Variants in PPFIBP1 observed in about 807,000 individuals in gnomAD.
The protein encoded by PPFIBP1 is liprin-beta-1.
In PPFIBP1, 112 loss-of-function variants were observed where a neutral mutation model predicts 137.8. That is an observed-to-expected ratio of 0.81 (90% CI 0.70 to 0.95). The LOEUF (loss-of-function observed/expected upper bound fraction) is 0.95. PPFIBP1 is among the 40% of genes least tolerant of loss of function. PPFIBP1 has a pLI of 0.00. For synonymous variants in PPFIBP1, 378 were observed against 417.3 expected (o/e 0.91, Z 1.15); for missense variants, 1,083 against 1,196.6 (o/e 0.91, Z 1.40).
intron 2 of PPFIBP1, among the ~76,000 whole-genome samples, chr12:27,609,641 G>A (rs2054878429): frequency 6.6e-6 from 1 of 151,984 alleles, no homozygotes; most frequent in South Asian, 2.1e-4. Flanking sequence ...CCCTTCAATG[G>A]CATCCCACTG....
chr12:27,661,551 C>T (rs1242599226), intron 11 of PPFIBP1, among the ~76,000 whole-genome samples: 2 of 152,158 alleles, frequency 1.3e-5, no homozygotes, highest in Non-Finnish European at 1.5e-5. Context: ...AGTTACTGCA[C>T]GAAAGTAATG....
At chr12:27,689,913 C>A (rs1463298506) in intron 27 of PPFIBP1, among the ~76,000 whole-genome samples, 2 of 152,168 alleles carry the variant, frequency 1.3e-5, no homozygotes, top group African/African-American at 4.8e-5. Context: ...ATGCAGCTAG[C>A]TACATTCTGG....
rs529003165 is a variant in PPFIBP1, at chr12:27,540,183, A to G, written c.-124+15818A>G. Among the ~76,000 whole-genome samples, 10 of 150,722 alleles carry G rather than the reference A, an allele frequency of 6.6e-5. No homozygotes were observed. The South Asian group carries it at 1.7e-3, about 25-fold the overall frequency. On this transcript the variant is annotated intron_variant, in intron 1 of 29. Coordinates refer to ENST00000228425, the MANE Select transcript of PPFIBP1 (RefSeq NM_003622.4). ...AGTGATCCTCCTGCCTCAGCCTCCCATGTAGTAGGATTATAGGCATGTGCC... is the reference window on the plus strand; with the variant it reads ...AGTGATCCTCCTGCCTCAGCCTCCCGTGTAGTAGGATTATAGGCATGTGCC...
intron 3 of PPFIBP1, among the ~76,000 whole-genome samples, chr12:27,633,817 C>CACCAATG (rs113682504): frequency 0.31 from 45,667 of 147,076 alleles, 7,798 homozygotes; most frequent in Middle Eastern, 0.39. Flanking sequence ...ATTCACTTTC[C>CACCAATG]ACCAATGACT....
In PPFIBP1 at chr12:27,667,192, C is replaced by T; in HGVS notation, c.1018C>T (p.Leu340Phe). The T allele has an allele frequency of 1.2e-6, 2 of 1,608,564 alleles. No individual in the cohort carries two copies. The highest frequency in any genetic ancestry group is 2.2e-5 in the East Asian group (1 of 44,776). ...KGKDGEYEEL[L>F]NSSSISSLLD... ...CAAAGATGGAGAATATGAAGAGCTG[C>T]TCAATTCCAGTTCCATCTCCTCTTT... Residue 340 changes from leucine to phenylalanine, a missense_variant, in exon 13 of 30, where the codon CTC (leucine) becomes TTC (phenylalanine). Transcript: ENST00000228425.
At chr12:27,656,516 A>G in intron 8 of PPFIBP1, 100 bp from the exon 9 acceptor site, 4 of 753,750 alleles carry the variant, frequency 5.3e-6, no homozygotes, top group South Asian at 4.7e-5. Flanking sequence ...GATTTGTTTC[A>G]TTCATAAAAC....
At chr12:27,625,580 GT>G (rs35985658) in intron 2 of PPFIBP1, among the ~76,000 whole-genome samples, 234 of 136,180 alleles carry the variant, frequency 1.7e-3, no homozygotes, top group Admixed American at 2.1e-3. Context: ...GTTTTTTACA[GT>G]TTTTTTTTTT....
At chr12:27,591,032 T>G (rs760183606) in intron 2 of PPFIBP1, among the ~76,000 whole-genome samples, 8 of 152,146 alleles carry the variant, frequency 5.3e-5, no homozygotes, top group Non-Finnish European at 1.0e-4. Flanking sequence ...CTCATAGTCT[T>G]TATAGTCATA....
intron 10 of PPFIBP1, among the ~76,000 whole-genome samples, chr12:27,660,103 G>C (rs1300635072): frequency 6.6e-6 from 1 of 151,832 alleles, no homozygotes; most frequent in African/African-American, 2.4e-5. Context: ...TGTTGCCCAG[G>C]CTGGTCTCAA....
intron 13 of PPFIBP1, 72 bp downstream of exon 13, chr12:27,667,392 T>C: frequency 1.6e-6 from 2 of 1,275,302 alleles, no homozygotes; most frequent in Non-Finnish European, 2.1e-6. Context: ...ACACTGCTCA[T>C]AACATGAAAA....
chr12:27,664,446 GGTAGAGT>G lies in PPFIBP1; in HGVS notation c.991+5_991+11del. The G allele has an allele frequency of 6.2e-7, 1 of 1,604,940 alleles. No homozygotes were observed. The highest frequency in any genetic ancestry group is 1.1e-5 in the South Asian group (1 of 90,404). Reference sequence around the variant, plus strand: ...GGTGGTACTGGCCCAAGGTAAAAAAGGTAGAGTGTAGCTCTAAAAGTTTTTCTACTTT... The same window carrying G: ...GGTGGTACTGGCCCAAGGTAAAAAAGGTAGCTCTAAAAGTTTTTCTACTTT... On this transcript the variant is annotated splice_donor_variant and splice_donor_5th_base_variant and intron_variant, in intron 12 of 29. Transcript: ENST00000228425. LOFTEE classifies it high-confidence loss of function.
intron 1 of PPFIBP1, among the ~76,000 whole-genome samples, chr12:27,529,214 A>T (rs909033727): frequency 6.6e-5 from 10 of 152,132 alleles, no homozygotes; most frequent in African/African-American, 2.4e-4. Flanking sequence ...CACCCTCTGG[A>T]CTCCACAATA....
chr12:27,623,476 GGA>G (rs2056527960), intron 2 of PPFIBP1, among the ~76,000 whole-genome samples: 2 of 152,116 alleles, frequency 1.3e-5, no homozygotes, highest in Admixed American at 1.3e-4. Context: ...AAGGGGGAAA[GGA>G]TTGCTTGAGC....
intron 1 of PPFIBP1, among the ~76,000 whole-genome samples, chr12:27,572,931 G>C (rs1434560653): frequency 2.0e-5 from 3 of 152,058 alleles, no homozygotes; most frequent in Non-Finnish European, 2.9e-5. Flanking sequence ...TTCATTGCTA[G>C]GACTGACCGC....
At chr12:27,546,701 T>C (rs1271596541) in intron 1 of PPFIBP1, among the ~76,000 whole-genome samples, 1 of 152,206 alleles carries the variant, frequency 6.6e-6, no homozygotes, top group Non-Finnish European at 1.5e-5. Flanking sequence ...ACACAGGAAT[T>C]GTTCCCTGTT....
intron 1 of PPFIBP1, among the ~76,000 whole-genome samples, chr12:27,537,063 C>T (rs539214408): frequency 1.4e-4 from 21 of 152,160 alleles, no homozygotes; most frequent in Non-Finnish European, 1.9e-4. Context: ...TATCTGGGTT[C>T]GCATCCTCCT....
intron 2 of PPFIBP1, 136 bp from the exon 3 acceptor site, chr12:27,633,226 A>G: frequency 1.6e-6 from 1 of 621,600 alleles, no homozygotes; most frequent in Non-Finnish European, 2.9e-6. Flanking sequence ...GATTGGCCAC[A>G]GCTTGCTACT....
intron 12 of PPFIBP1, among the ~76,000 whole-genome samples, chr12:27,665,559 CATTTTGTTGTGT>C: frequency 6.6e-6 from 1 of 152,170 alleles, no homozygotes; most frequent in South Asian, 2.1e-4. Flanking sequence ...GAGAGTTGTG[CATTTTGTTGTGT>C]TTATTATTAT....
intron 1 of PPFIBP1, among the ~76,000 whole-genome samples, chr12:27,537,220 C>T (rs1945130171): frequency 6.6e-6 from 1 of 152,036 alleles, no homozygotes; most frequent in Non-Finnish European, 1.5e-5. Context: ...CAACCTCTGC[C>T]TCCCTGGTTC....
Sources: gnomAD v4.1 joint callset for allele counts (sites outside exome capture counted in the v4.1 genomes callset) on GRCh38, gnomAD v4.1.1 for gene constraint, MANE v1.5 for transcripts, NCBI Gene and HGNC (gene_info 2026-07-23, HGNC 2026-07-21) for gene names.